RPL23A: variants seen among roughly 807,000 people sequenced by gnomAD.
RPL23A encodes the protein ribosomal protein L23a.
Under a neutral mutation model 17.6 loss-of-function variants are expected in RPL23A, and 2 were observed. The observed-to-expected ratio is 0.11, with a 90% CI of 0.05 to 0.36. RPL23A has a LOEUF of 0.36. Ranked by LOEUF, RPL23A falls within the 10% of genes least tolerant of loss-of-function variation. The pLI is 1.00. For missense variants in RPL23A, 132 were observed against 194.4 expected, an observed-to-expected ratio of 0.68 and a Z score of 1.91; for synonymous variants, 65 against 74.3, an observed-to-expected ratio of 0.87 and a Z score of 0.65.
rs1326188294 is a variant in RPL23A, at chr17:28,724,304, G to T, written c.*423G>T. On this transcript the variant is annotated 3_prime_UTR_variant, in exon 5 of 5. Coordinates refer to ENST00000422514, the MANE Select transcript of RPL23A (RefSeq NM_000984.6). ...CACACCCATCTACTATGTCCAACCG[G>T]TCTGTCTGCTTCCCTCACCCCTTGC... 3 of 700,668 alleles carry T rather than the reference G, an allele frequency of 4.3e-6. No individual in the cohort carries two copies. Among genetic ancestry groups the T allele is most frequent in the Non-Finnish European group, 7.3e-6 (3 of 413,248 alleles). The allele number at this position is 700,668 out of a possible 1,614,324, so 43.4% of individuals were successfully genotyped here.
intron 1 of RPL23A, 89 bp from the exon 2 acceptor site, chr17:28,720,618 T>G: frequency 7.0e-7 from 1 of 1,436,948 alleles, no homozygotes; most frequent in Non-Finnish European, 9.8e-7. Flanking sequence ...CTGATGCACC[T>G]GTGGCCAGGG....
chr17:28,721,736 G>T (rs1436556870), intron 2 of RPL23A: 1 of 152,164 alleles, frequency 6.6e-6, no homozygotes, highest in East Asian at 1.9e-4. Context: ...GTAGAGCCAT[G>T]GTAGTAGTTA....
Position 28,720,730 on chromosome 17 carries a change from G to A in RPL23A, c.49G>A (p.Ala17Thr), listed in dbSNP as rs778848276. 19 of 1,613,906 alleles carry A rather than the reference G, an allele frequency of 1.2e-5. No homozygotes were observed. The highest frequency in any genetic ancestry group is 1.5e-5 in the Non-Finnish European group (18 of 1,179,988). The stretch of plus-strand genomic sequence containing the variant: ...AGCTCCTGCCCCTCCTAAAGCTGAA[G>A]CCAAAGCGAAGGCTTTAAAGGCCAA... ...KEAPAPPKAE[A>T]KAKALKAKKA... Residue 17 changes from alanine to threonine, a missense_variant, in exon 2 of 5, where the codon GCC becomes ACC. Physicochemically the swap from Ala to Thr is moderately conservative, Grantham distance 58. This residue lies in a region of RPL23A where 63 missense variants were observed against 48.9 expected (regional missense o/e 1.29). Transcript: ENST00000422514.
At chr17:28,720,610 G>GA in intron 1 of RPL23A, 97 bp from the exon 2 acceptor site, 11 of 1,412,540 alleles carry the variant, frequency 7.8e-6, no homozygotes, top group Non-Finnish European at 1.1e-5. Context: ...AGGAACCACT[G>GA]ATGCACCTGT....
At chr17:28,722,315 A>G (rs1426910143) in intron 2 of RPL23A, 2 of 321,676 alleles carry the variant, frequency 6.2e-6, no homozygotes, top group African/African-American at 4.3e-5. Flanking sequence ...AGTAGCTCGG[A>G]CTACAGGCGT....
chr17:28,721,094 G>A (rs2034106311), intron 2 of RPL23A: 1 of 494,688 alleles, frequency 2.0e-6, no homozygotes, highest in Non-Finnish European at 3.7e-6. Context: ...GCTCACGTCT[G>A]TAATCCCAGC....
In RPL23A at chr17:28,723,591, C is replaced by G; in HGVS notation, c.407C>G (p.Ala136Gly). The change falls in exon 4 of 5, where the codon GCA becomes GGA. Residue 136 changes from alanine to glycine, a missense_variant. By Grantham distance (60) the Ala-to-Gly change is moderately conservative (BLOSUM62 0). Transcript: ENST00000422514. The stretch of plus-strand genomic sequence containing the variant: ...CCTAGGCCTGATGGAGAGAAGAAGG[C>G]ATATGTTCGACTGGCTCCTGATTAC... ...TLIRPDGEKK[A>G]YVRLAPDYDA... 1 of 1,613,758 alleles carries G rather than the reference C, an allele frequency of 6.2e-7. No individual in the cohort carries two copies. The highest frequency in any genetic ancestry group is 1.1e-5 in the South Asian group (1 of 91,072).
Position 28,720,797 on chromosome 17 carries a change from A to T in RPL23A, c.116A>T (p.Lys39Met), listed in dbSNP as rs530535069. Residue 39 changes from lysine (K) to methionine (M), a missense_variant, in exon 2 of 5, where the codon AAG (lysine) becomes ATG (methionine). Physicochemically the swap from Lys to Met is moderately conservative, Grantham distance 95. Coordinates refer to ENST00000422514, the MANE Select transcript of RPL23A (RefSeq NM_000984.6). ...LKGVHSHKKK[K>M]IRTSPTFRRP... ...GGTGTCCACAGCCACAAAAAGAAGA[A>T]GATCCGCACGTCACCCACCTTCCGG... 2.4e-5 allele frequency: 39 copies of T among 1,613,458 alleles called. No individual in the cohort carries two copies. The highest frequency in any genetic ancestry group is 6.6e-5 in the South Asian group (6 of 91,068).
At position 28,720,124 on chromosome 17, in the gene RPL23A, G is replaced by A. The variant is rs2034076668; in HGVS notation, c.25+94G>A. ...GAACACGGCTGCTGGGCTAAGCCCTGAGGGCTCTGCTCCGGGGCTGCTCCC... is the reference window on the plus strand; with the variant it reads ...GAACACGGCTGCTGGGCTAAGCCCTAAGGGCTCTGCTCCGGGGCTGCTCCC... On this transcript the variant is annotated intron_variant, in intron 1 of 4. Transcript: ENST00000422514. 5 of 1,535,010 alleles carry A rather than the reference G, an allele frequency of 3.3e-6. No individual in the cohort carries two copies. In the Admixed American group the frequency reaches 5.9e-5, roughly 18 times the overall value.
intron 3 of RPL23A, chr17:28,723,181 G>C: frequency 3.8e-6 from 2 of 525,994 alleles, no homozygotes; most frequent in Non-Finnish European, 3.4e-6. Context: ...ACTTAAACTT[G>C]GTGTAGGTTT....
At chr17:28,722,456 C>T (rs995633862) in intron 2 of RPL23A, 11 of 569,468 alleles carry the variant, frequency 1.9e-5, no homozygotes, top group Non-Finnish European at 3.8e-5. Context: ...GGAATACAGC[C>T]ATGAGCCAGC....
At chr17:28,723,283 G>C (rs1432845292) in intron 3 of RPL23A, 4 of 588,136 alleles carry the variant, frequency 6.8e-6, no homozygotes, top group Non-Finnish European at 9.3e-6. Flanking sequence ...CTTGATTGGG[G>C]GTTGGTCCTC....
In RPL23A at chr17:28,723,555, T is replaced by G; in HGVS notation, c.387-16T>G. On this transcript the variant is annotated splice_polypyrimidine_tract_variant and intron_variant, in intron 3 of 4. Transcript: ENST00000422514. ...AGTGAGGGTGGCAGGGACTAAGGCT[T>G]CCTTCTCTACCCTAGGCCTGATGGA... The G allele has an allele frequency of 1.9e-6, 3 of 1,609,624 alleles. No individual in the cohort carries two copies. The highest frequency in any genetic ancestry group is 2.6e-6 in the Non-Finnish European group (3 of 1,175,962).
chr17:28,721,421 G>C (rs971703438), intron 2 of RPL23A: 2 of 156,326 alleles, frequency 1.3e-5, no homozygotes, highest in Non-Finnish European at 2.8e-5. Flanking sequence ...TGTGGTCACG[G>C]TTTGAAAACT....
At chr17:28,722,920 T>TG (rs906549989) in intron 3 of RPL23A, 21 bp downstream of exon 3, 12 of 1,610,102 alleles carry the variant, frequency 7.5e-6, no homozygotes, top group Non-Finnish European at 1.0e-5. Flanking sequence ...CCTCAAGGGA[T>TG]GGGGAGCAGG....
In RPL23A at chr17:28,720,778, C is replaced by T; in HGVS notation, c.97C>T (p.His33Tyr). The T allele has an allele frequency of 6.2e-7, 1 of 1,612,774 alleles. No homozygotes were observed. The highest frequency in any genetic ancestry group is 8.5e-7 in the Non-Finnish European group (1 of 1,178,790). The change falls in exon 2 of 5, where the codon CAC becomes TAC. Residue 33 changes from histidine to tyrosine, a missense_variant. His to Tyr is a moderately conservative substitution (Grantham distance 83). Around this residue, in one of 2 missense-constraint regions of RPL23A, gnomAD observed 63 missense variants for 48.9 expected, o/e 1.29. Transcript: ENST00000422514. The part of the protein sequence containing the change: ...KAKKAVLKGV[H>Y]SHKKKKIRTS... ...CAAGAAGGCAGTGTTGAAAGGTGTCCACAGCCACAAAAAGAAGAAGATCCG... is the reference window on the plus strand; with the variant it reads ...CAAGAAGGCAGTGTTGAAAGGTGTCTACAGCCACAAAAAGAAGAAGATCCG...
chr17:28,720,920 G>T (rs748477755), intron 2 of RPL23A, 30 bp downstream of exon 2: 11 of 1,585,000 alleles, frequency 6.9e-6, no homozygotes, highest in Non-Finnish European at 7.8e-6. Flanking sequence ...CCCATGAAAA[G>T]ATTTGGGTAT....
At chr17:28,720,597 C>T in intron 1 of RPL23A, 110 bp from the exon 2 acceptor site, 1 of 1,399,722 alleles carries the variant, frequency 7.1e-7, no homozygotes, top group South Asian at 1.2e-5. Context: ...GTGATGTCTT[C>T]AAAGGAACCA....
intron 2 of RPL23A, among the ~76,000 whole-genome samples, chr17:28,722,084 A>G (rs2034124504): frequency 3.3e-5 from 5 of 151,532 alleles, no homozygotes; most frequent in Admixed American, 3.3e-4. Context: ...TCTCTACTAA[A>G]AATACAAAAA....
Sources: gnomAD v4.1 joint callset for allele counts (sites outside exome capture counted in the v4.1 genomes callset) on GRCh38, gnomAD v4.1.1 for gene constraint, gnomAD v4.1.1 regional missense constraint, MANE v1.5 for transcripts, NCBI Gene and HGNC (gene_info 2026-07-23, HGNC 2026-07-21) for gene names.